Variants in ANKIB1 observed in about 807,000 individuals in gnomAD.
ANKIB1 encodes ankyrin repeat and IBR domain-containing protein 1.
In ANKIB1, 43 loss-of-function variants were observed where a neutral mutation model predicts 122.1. That is an observed-to-expected ratio of 0.35 (90% CI 0.28 to 0.45). The LOEUF (loss-of-function observed/expected upper bound fraction) is 0.45, where lower values mean the gene tolerates loss of function less well. ANKIB1 is among the 20% of genes least tolerant of loss of function. The pLI is 1.00. For missense variants in ANKIB1, 992 were observed against 1,329.5 expected (o/e 0.75, Z 3.95); for synonymous variants, 390 against 442.0 (o/e 0.88, Z 1.48).
chr7:92,387,874 A>G lies in ANKIB1; in HGVS notation c.1829A>G (p.His610Arg), dbSNP rs1804694163. ...HYYTRFKNHE[H>R]SYQLEQRLLK... ...TATACAAGATTTAAAAACCATGAGC[A>G]TAGTTATCAGGTATGTCCCAAATCA... Residue 610 changes from histidine (H) to arginine (R), a missense_variant, in exon 13 of 20, where the codon CAT (histidine) becomes CGT (arginine). His to Arg is a conservative substitution (Grantham distance 29). Transcript: ENST00000265742. 6.2e-7 allele frequency: 1 copy of G among 1,612,362 alleles called. No individual in the cohort carries two copies. The highest frequency in any genetic ancestry group is 1.3e-5 in the African/African-American group (1 of 74,874).
In ANKIB1 at chr7:92,397,819, A is replaced by G. The variant is rs1203198573; in HGVS notation, c.2492A>G (p.Tyr831Cys). 7 of 1,607,540 alleles carry G rather than the reference A, an allele frequency of 4.4e-6. No homozygotes were observed. Among genetic ancestry groups the G allele is most frequent in the African/African-American group, 1.3e-5 (1 of 74,488 alleles). The change falls in exon 19 of 20, where the codon TAC becomes TGC. Residue 831 changes from tyrosine (Y) to cysteine (C), a missense_variant. Coordinates refer to ENST00000265742, the MANE Select transcript of ANKIB1 (RefSeq NM_019004.2). ...SVLHSSSLRD[Y>C]TPASRSENQD... ...CTGCACAGCTCTTCCCTGCGTGACT[A>G]CACCCCTGCCAGTCGCTCTGAAAAC... is the stretch of plus-strand genomic sequence containing the variant.
chr7:92,309,938 A>ATATATATATATATATATATATATATATAT (rs961914373), intron 3 of ANKIB1, among the ~76,000 whole-genome samples: 1 of 112,590 alleles, frequency 8.9e-6, no homozygotes, highest in African/African-American at 3.7e-5. Context: ...AAAAAAAAAA[A>ATATATATATATATATATATATATATATAT]AAAAATATAT....
intron 2 of ANKIB1, among the ~76,000 whole-genome samples, chr7:92,300,777 A>AT (rs1802442698): frequency 6.6e-6 from 1 of 152,130 alleles, no homozygotes; most frequent in Non-Finnish European, 1.5e-5. Context: ...TATAGTTACC[A>AT]TGCTGTTTAT....
intron 11 of ANKIB1, among the ~76,000 whole-genome samples, chr7:92,381,169 C>T (rs934000032): frequency 3.3e-5 from 5 of 151,918 alleles, no homozygotes; most frequent in Admixed American, 6.6e-5. Flanking sequence ...AATGAAATGA[C>T]GCAAGTAGGG....
intron 1 of ANKIB1, among the ~76,000 whole-genome samples, chr7:92,251,507 G>A (rs899234668): frequency 1.1e-4 from 17 of 151,998 alleles, no homozygotes; most frequent in Non-Finnish European, 1.5e-5. Flanking sequence ...AAATCATTTT[G>A]AAATAATTTC....
intron 5 of ANKIB1, 117 bp from the exon 6 acceptor site, chr7:92,342,907 A>G: frequency 2.5e-6 from 2 of 804,440 alleles, no homozygotes; most frequent in Middle Eastern, 2.4e-4. Flanking sequence ...CTACTTTTAT[A>G]TACTTTTTTC....
At chr7:92,291,629 C>T (rs1012053762) in intron 1 of ANKIB1, among the ~76,000 whole-genome samples, 6 of 139,256 alleles carry the variant, frequency 4.3e-5, no homozygotes, top group Middle Eastern at 4.2e-3. Flanking sequence ...TGGGCTGGAG[C>T]GCAGTGGCGT....
intron 2 of ANKIB1, among the ~76,000 whole-genome samples, chr7:92,301,147 T>C (rs1802450173): frequency 6.6e-6 from 1 of 152,192 alleles, no homozygotes; most frequent in South Asian, 2.1e-4. Flanking sequence ...AATGCTATAG[T>C]GAACATGGGA....
At chr7:92,267,541 T>G (rs76338345) in intron 1 of ANKIB1, among the ~76,000 whole-genome samples, 1 of 152,190 alleles carries the variant, frequency 6.6e-6, no homozygotes, top group African/African-American at 2.4e-5. Flanking sequence ...CTAAAAAATC[T>G]CCATAGAGAT....
intron 1 of ANKIB1, among the ~76,000 whole-genome samples, chr7:92,276,109 ACGTCTCATTT>A (rs1801899117): frequency 6.6e-6 from 1 of 152,232 alleles, no homozygotes; most frequent in East Asian, 1.9e-4. Flanking sequence ...TGGTCTCATT[ACGTCTCATTT>A]AGATACAGAA....
intron 9 of ANKIB1, among the ~76,000 whole-genome samples, chr7:92,360,280 T>A (rs185438184): frequency 7.3e-4 from 111 of 152,300 alleles, no homozygotes; most frequent in African/African-American, 2.5e-3. Context: ...TCTCTATGAA[T>A]TTGCCTATTC....
intron 5 of ANKIB1, among the ~76,000 whole-genome samples, chr7:92,336,495 T>C (rs1357104384): frequency 2.6e-5 from 4 of 152,164 alleles, no homozygotes; most frequent in African/African-American, 9.7e-5. Context: ...TTTCTGACAT[T>C]TTCCAGTTTT....
chr7:92,345,130 TG>T, intron 7 of ANKIB1, 64 bp downstream of exon 7: 1 of 1,241,314 alleles, frequency 8.1e-7, no homozygotes, highest in Non-Finnish European at 1.2e-6. Context: ...TTAATAAAAT[TG>T]TTTGCTTTCA....
intron 1 of ANKIB1, among the ~76,000 whole-genome samples, chr7:92,253,802 T>A (rs986079655): frequency 6.6e-6 from 1 of 152,206 alleles, no homozygotes; most frequent in Non-Finnish European, 1.5e-5. Context: ...CTACCAGTGG[T>A]AGAATGTTTA....
chr7:92,309,365 A>C (rs1802637749), intron 3 of ANKIB1, among the ~76,000 whole-genome samples: 2 of 152,196 alleles, frequency 1.3e-5, no homozygotes, highest in South Asian at 2.1e-4. Flanking sequence ...GACTACAGGC[A>C]CACACATGCC....
chr7:92,391,229 C>G lies in ANKIB1; in HGVS notation c.2116C>G (p.Pro706Ala). 6.2e-7 allele frequency: 1 copy of G among 1,613,304 alleles called. No homozygotes were observed. Among genetic ancestry groups the G allele is most frequent in the East Asian group, 2.2e-5 (1 of 44,850 alleles). Residue 706 changes from proline (P) to alanine (A), a missense_variant, in exon 16 of 20, where the codon CCC becomes GCC. This residue lies in a region of ANKIB1 where 521 missense variants were observed against 777.7 expected (regional missense o/e 0.67). Coordinates refer to ENST00000265742, the MANE Select transcript of ANKIB1 (RefSeq NM_019004.2). ...QKVNRPYLRT[P>A]RHKIIKAACL... ...AGTCAATAGGCCTTACCTTCGCACA[C>G]CCCGCCACAAGATCATCAAAGCAGC...
intron 1 of ANKIB1, among the ~76,000 whole-genome samples, chr7:92,273,108 T>C (rs1355725107): frequency 1.3e-5 from 2 of 152,088 alleles, no homozygotes; most frequent in East Asian, 1.9e-4. Flanking sequence ...CCCCCGTAAG[T>C]GCAAAAAAGA....
intron 1 of ANKIB1, among the ~76,000 whole-genome samples, chr7:92,264,388 A>G (rs886831627): frequency 1.3e-5 from 2 of 151,968 alleles, no homozygotes; most frequent in Non-Finnish European, 2.9e-5. Flanking sequence ...TTCATTTGTC[A>G]ATAAAAATTT....
chr7:92,341,592 A>G (rs1803441895), intron 5 of ANKIB1, among the ~76,000 whole-genome samples: 1 of 152,206 alleles, frequency 6.6e-6, no homozygotes, highest in African/African-American at 2.4e-5. Flanking sequence ...CATTAAAAAG[A>G]AGGAAATAAT....
Sources: gnomAD v4.1 joint callset for allele counts (sites outside exome capture counted in the v4.1 genomes callset) on GRCh38, gnomAD v4.1.1 for gene constraint, gnomAD v4.1.1 regional missense constraint, MANE v1.5 for transcripts, NCBI Gene and HGNC (gene_info 2026-07-23, HGNC 2026-07-21) for gene names.